Variants in RBFOX1 observed in about 807,000 individuals in gnomAD.
RBFOX1 encodes RNA binding fox-1 homolog 1.
RBFOX1 carries 8 observed loss-of-function variants against 57.7 expected under a neutral mutation model. The ratio of observed to expected loss-of-function variants is 0.14; its 90% CI spans 0.08 to 0.25. The LOEUF is 0.25. Ranked by LOEUF, RBFOX1 falls within the 10% of genes least tolerant of loss-of-function variation. RBFOX1 has a pLI of 1.00. For missense variants in RBFOX1, 611 were observed against 548.5 expected (o/e 1.11, Z -1.14); for synonymous variants, 326 against 222.4 (o/e 1.47, Z -4.15).
At chr16:6,295,357 C>G (rs1458004482) in intron 1 of RBFOX1, among the ~76,000 whole-genome samples, 1 of 152,130 alleles carries the variant, frequency 6.6e-6, no homozygotes. Flanking sequence ...ATCCCTTGAC[C>G]TTGTGATCTG....
chr16:6,662,491 G>A (rs2098707798), intron 3 of RBFOX1, among the ~76,000 whole-genome samples: 2 of 152,158 alleles, frequency 1.3e-5, no homozygotes, highest in Non-Finnish European at 2.9e-5. Context: ...GGCCGGTATT[G>A]TACAAGTGTT....
chr16:6,810,182 G>C (rs1330713625), intron 3 of RBFOX1, among the ~76,000 whole-genome samples: 1 of 152,118 alleles, frequency 6.6e-6, no homozygotes, highest in African/African-American at 2.4e-5. Flanking sequence ...ATTGTCTTAT[G>C]TGTGCAACTT....
intron 1 of RBFOX1, among the ~76,000 whole-genome samples, chr16:5,463,260 C>G (rs1031045696): frequency 3.3e-5 from 5 of 152,112 alleles, no homozygotes; most frequent in Non-Finnish European, 4.4e-5. Context: ...CCAACTGACA[C>G]CTTACTTTTC....
intron 1 of RBFOX1, among the ~76,000 whole-genome samples, chr16:6,201,541 T>C (rs779236267): frequency 1.6e-4 from 25 of 151,948 alleles, no homozygotes; most frequent in Non-Finnish European, 2.8e-4. Context: ...TGGGGAGAGA[T>C]TGGGGATGGT....
At chr16:7,486,218 G>T (rs1046417890) in intron 4 of RBFOX1, among the ~76,000 whole-genome samples, 14 of 150,430 alleles carry the variant, frequency 9.3e-5, no homozygotes, top group African/African-American at 2.7e-4. Flanking sequence ...TGACTCCCGG[G>T]TTCAAGTGAT....
At chr16:6,117,822 A>C (rs2096513372) in intron 1 of RBFOX1, among the ~76,000 whole-genome samples, 2 of 152,238 alleles carry the variant, frequency 1.3e-5, no homozygotes, top group South Asian at 4.1e-4. Context: ...AGACATAGTC[A>C]AGTTTTCTTT....
intron 2 of RBFOX1, among the ~76,000 whole-genome samples, chr16:6,408,661 C>G (rs949021614): frequency 6.6e-6 from 1 of 152,078 alleles, no homozygotes; most frequent in African/African-American, 2.4e-5. Context: ...TCTCTGACAC[C>G]GTAGTGTTAT....
chr16:6,411,189 T>G (rs1381841720), intron 2 of RBFOX1, among the ~76,000 whole-genome samples: 1 of 152,092 alleles, frequency 6.6e-6, no homozygotes, highest in African/African-American at 2.4e-5. Context: ...TGCAAAGTGG[T>G]CCAAGTTGGT....
rs528094788 is a variant in RBFOX1 at position 6,544,660 on chromosome 16, G to A, written c.-63-109943G>A. On this transcript the variant is annotated intron_variant, in intron 2 of 15. Coordinates refer to ENST00000550418, the MANE Select transcript of RBFOX1 (RefSeq NM_018723.4). The stretch of plus-strand genomic sequence containing the variant: ...ATTTGAGGATCATAACTTCAGTTTC[G>A]CTGACTGCGTATCCACCCCATACTA... Among the ~76,000 whole-genome samples the A allele has an allele frequency of 1.1e-4, 16 of 152,210 alleles. No individual in the cohort carries two copies. In the South Asian group the frequency reaches 2.7e-3, roughly 26 times the overall value.
intron 3 of RBFOX1, among the ~76,000 whole-genome samples, chr16:6,876,179 C>A (rs879929529): frequency 4.6e-5 from 7 of 151,100 alleles, no homozygotes; most frequent in Non-Finnish European, 7.4e-5. Context: ...GGTGAAGGAC[C>A]CTCTCAAAAA....
intron 4 of RBFOX1, among the ~76,000 whole-genome samples, chr16:7,365,342 C>G (rs1568434606): frequency 6.6e-6 from 1 of 152,198 alleles, no homozygotes; most frequent in Non-Finnish European, 1.5e-5. Flanking sequence ...GAACCTAAAT[C>G]AGGACTTACC....
intron 1 of RBFOX1, among the ~76,000 whole-genome samples, chr16:5,281,094 CT>C (rs757573158): frequency 5.4e-4 from 82 of 152,080 alleles, no homozygotes; most frequent in Non-Finnish European, 1.0e-3. Context: ...CCTCCTAGTA[CT>C]GCTTTTGCTG....
chr16:5,345,540 C>T (rs2151303768), intron 1 of RBFOX1, among the ~76,000 whole-genome samples: 1 of 152,346 alleles, frequency 6.6e-6, no homozygotes, highest in African/African-American at 2.4e-5. Flanking sequence ...GTTCTGGCTA[C>T]ATTTGGCTCC....
intron 1 of RBFOX1, among the ~76,000 whole-genome samples, chr16:6,094,147 G>A (rs79438047): frequency 8.6e-4 from 131 of 152,268 alleles, no homozygotes; most frequent in African/African-American, 3.0e-3. Flanking sequence ...TTTGACCTGA[G>A]CTTTGTCCCA....
chr16:6,523,175 T>C (rs2096531850), intron 2 of RBFOX1, among the ~76,000 whole-genome samples: 1 of 152,174 alleles, frequency 6.6e-6, no homozygotes, highest in African/African-American at 2.4e-5. Flanking sequence ...TTTGTCCTGC[T>C]TACTCATCTC....
At position 5,505,494 on chromosome 16, in the gene RBFOX1, C is replaced by G. The variant is rs150230504; in HGVS notation, c.258+38240C>G. On this transcript the variant is annotated intron_variant, in intron 2 of 2. Transcript: ENST00000585867. ...TGCAGCCTGAGATTCCAGGGGTGCC[C>G]TATGTGGGTGGGCAGAGAGTCCCAC... Among the ~76,000 whole-genome samples, 223 of 152,192 alleles carry G rather than the reference C, an allele frequency of 1.5e-3. 2 individuals carry two copies. Among genetic ancestry groups the G allele is most frequent in the Admixed American group, 5.7e-3 (87 of 15,288 alleles).
intron 1 of RBFOX1, among the ~76,000 whole-genome samples, chr16:6,115,535 T>G (rs780727602): frequency 2.6e-5 from 4 of 152,174 alleles, no homozygotes; most frequent in Non-Finnish European, 5.9e-5. Flanking sequence ...CTTGTCTGCA[T>G]AACGTCTGTT....
intron 4 of RBFOX1, among the ~76,000 whole-genome samples, chr16:7,061,561 G>A (rs1031623405): frequency 3.9e-5 from 6 of 151,994 alleles, no homozygotes; most frequent in Admixed American, 6.6e-5. Context: ...CACTTTATTT[G>A]GAGAAGACTC....
intron 2 of RBFOX1, among the ~76,000 whole-genome samples, chr16:6,386,488 C>T (rs1278939788): frequency 6.6e-6 from 1 of 152,136 alleles, no homozygotes; most frequent in African/African-American, 2.4e-5. Context: ...AACCCCGATG[C>T]TGGGGATACA....
Sources: gnomAD v4.1 joint callset for allele counts (sites outside exome capture counted in the v4.1 genomes callset) on GRCh38, gnomAD v4.1.1 for gene constraint, MANE v1.5 for transcripts, NCBI Gene and HGNC (gene_info 2026-07-23, HGNC 2026-07-21) for gene names.